STIP1: variants seen among roughly 807,000 people sequenced by gnomAD.
STIP1 encodes the protein stress induced phosphoprotein 1.
STIP1 carries 16 observed loss-of-function variants against 77.4 expected under a neutral mutation model. That is an observed-to-expected ratio of 0.21 (90% CI 0.14 to 0.31). The LOEUF (loss-of-function observed/expected upper bound fraction) is 0.31, where lower values mean the gene tolerates loss of function less well. Ranked by LOEUF, STIP1 falls within the 10% of genes least tolerant of loss-of-function variation. The pLI, the probability that STIP1 is intolerant of heterozygous loss-of-function variation, is 1.00. For synonymous variants in STIP1, 258 were observed against 246.6 expected, an observed-to-expected ratio of 1.05 and a Z score of -0.44; for missense variants, 524 against 684.8, an observed-to-expected ratio of 0.77 and a Z score of 2.62.
intron 10 of STIP1, among the ~76,000 whole-genome samples, chr11:64,201,147 C>G (rs1273304612): frequency 1.3e-5 from 2 of 152,070 alleles, no homozygotes; most frequent in African/African-American, 4.8e-5. Context: ...TTAAACCATC[C>G]TCCCACCTCA....
At chr11:64,195,917 G>T in intron 5 of STIP1, 104 bp downstream of exon 5, 1 of 1,516,880 alleles carries the variant, frequency 6.6e-7, no homozygotes, top group Non-Finnish European at 9.0e-7. Flanking sequence ...GATTATTATG[G>T]TTTTTTTAGA....
chr11:64,199,472 A>G (rs1395929803), intron 8 of STIP1, among the ~76,000 whole-genome samples: 1 of 139,568 alleles, frequency 7.2e-6, no homozygotes, highest in Non-Finnish European at 1.5e-5. Context: ...GCGCCACTGC[A>G]CTCCAGCCTG....
chr11:64,203,734 C>T (rs1946248156), intron 13 of STIP1, 112 bp downstream of exon 13: 5 of 1,397,012 alleles, frequency 3.6e-6, no homozygotes, highest in Non-Finnish European at 4.9e-6. Flanking sequence ...GGAATTCTGT[C>T]ATTCTTCCTA....
At chr11:64,190,504 G>A (rs576160498) in intron 1 of STIP1, among the ~76,000 whole-genome samples, 18 of 152,154 alleles carry the variant, frequency 1.2e-4, no homozygotes, top group Middle Eastern at 3.4e-3. Flanking sequence ...TAGTAGAGAC[G>A]GGGTTTCACC....
intron 8 of STIP1, among the ~76,000 whole-genome samples, chr11:64,199,283 T>TCC: frequency 6.6e-6 from 1 of 150,874 alleles, no homozygotes; most frequent in South Asian, 2.1e-4. Flanking sequence ...GGTGGGCGGA[T>TCC]CAAGAGGTCA....
intron 7 of STIP1, 113 bp from the exon 8 acceptor site, chr11:64,197,741 C>T: frequency 6.4e-7 from 1 of 1,553,862 alleles, no homozygotes; most frequent in South Asian, 1.2e-5. Flanking sequence ...AGAGACAAGA[C>T]AAAAGGTGTT....
chr11:64,199,500 C>CT (rs1310641193), intron 8 of STIP1, among the ~76,000 whole-genome samples: 76 of 129,906 alleles, frequency 5.9e-4, no homozygotes, highest in Non-Finnish European at 1.1e-3. Context: ...GAGCGAGACT[C>CT]TATCTCAAAA....
intron 5 of STIP1, 36 bp from the exon 6 acceptor site, chr11:64,197,235 A>T: frequency 1.2e-6 from 2 of 1,609,970 alleles, no homozygotes; most frequent in South Asian, 2.2e-5. Flanking sequence ...CACCTGAGTT[A>T]GATTTGCTCA....
upstream of STIP1, chr11:64,185,902 C>T (rs773297979): frequency 9.1e-6 from 14 of 1,536,070 alleles, no homozygotes; most frequent in East Asian, 2.0e-4. Flanking sequence ...AGCGCGGCTA[C>T]GATTGGCAGT....
At chr11:64,185,884 G>A, upstream of STIP1, 1 of 1,536,154 alleles carries the variant, frequency 6.5e-7, no homozygotes, top group Non-Finnish European at 8.7e-7. Flanking sequence ...GAACCAATGG[G>A]CGCGGCCAGC....
At chr11:64,203,370 AC>A (rs1946242925) in intron 12 of STIP1, 79 bp from the exon 13 acceptor site, 1 of 1,594,872 alleles carries the variant, frequency 6.3e-7, no homozygotes, top group Non-Finnish European at 8.6e-7. Context: ...CTTGTCAGTT[AC>A]CTCTGTTATC....
intron 1 of STIP1, among the ~76,000 whole-genome samples, chr11:64,192,287 C>T (rs1236868406): frequency 6.6e-6 from 1 of 152,196 alleles, no homozygotes; most frequent in Non-Finnish European, 1.5e-5. Flanking sequence ...GCACTCCAGC[C>T]TGGGTGACAG....
At chr11:64,198,759 T>TG (rs1381166828) in intron 8 of STIP1, among the ~76,000 whole-genome samples, 105 of 150,830 alleles carry the variant, frequency 7.0e-4, no homozygotes, top group African/African-American at 2.3e-3. Flanking sequence ...TGTGGTTTTT[T>TG]TTTTTTTTTT....
chr11:64,191,187 CAA>C (rs756671182), intron 1 of STIP1, among the ~76,000 whole-genome samples: 90 of 73,414 alleles, frequency 1.2e-3, no homozygotes, highest in African/African-American at 2.5e-3. Flanking sequence ...AACTCTGTCT[CAA>C]AAAAAAAAAA....
chr11:64,194,358 T>C (rs1946124791), intron 3 of STIP1, 28 bp downstream of exon 3: 2 of 1,612,358 alleles, frequency 1.2e-6, no homozygotes, highest in Admixed American at 1.7e-5. Context: ...TTTTCTTTCT[T>C]ATTATTAATG....
At chr11:64,186,335 G>A in intron 1 of STIP1, 65 bp downstream of exon 1, 1 of 485,994 alleles carries the variant, frequency 2.1e-6, no homozygotes, top group Admixed American at 4.2e-5. Context: ...CCAGGCCGCG[G>A]TAGGGGGGCG....
intron 13 of STIP1, 83 bp downstream of exon 13, chr11:64,203,705 G>A: frequency 6.5e-7 from 1 of 1,548,402 alleles, no homozygotes; most frequent in African/African-American, 1.4e-5. Flanking sequence ...GGGGTGGTAT[G>A]CTCAGTCTGC....
At chr11:64,186,097 G>A, upstream of STIP1, 6 of 1,550,330 alleles carry the variant, frequency 3.9e-6, no homozygotes, top group Non-Finnish European at 4.4e-6. Flanking sequence ...CAATAGTAGA[G>A]CAGCACAGAC....
At chr11:64,198,063 T>A in intron 8 of STIP1, 89 bp downstream of exon 8, 1 of 503,506 alleles carries the variant, frequency 2.0e-6, no homozygotes, top group East Asian at 8.7e-5. Context: ...TGAACTTGAC[T>A]TTTTTTTTTT....
Sources: allele counts gnomAD v4.1 joint callset (sites outside exome capture counted in the v4.1 genomes callset), GRCh38; gene constraint gnomAD v4.1.1; transcripts MANE v1.5; gene names NCBI Gene and HGNC (gene_info 2026-07-23, HGNC 2026-07-21).